The following TENT5D variants were observed in gnomAD, a reference collection of about 807,000 sequenced individuals.
TENT5D encodes the protein terminal nucleotidyltransferase 5D, also known as cancer/testis antigen 112.
For missense variants in TENT5D, 191 were observed against 287.0 expected (o/e 0.67, Z 2.42); for synonymous variants, 103 against 100.6 (o/e 1.02, Z -0.15).
At chrX:80,403,198 A>G (rs1454307010) in intron 3 of TENT5D, among the ~76,000 whole-genome samples, 2 of 111,927 alleles carry the variant, frequency 1.8e-5, no homozygotes, top group African/African-American at 6.5e-5. Flanking sequence ...TGTATCAATG[A>G]TATTAAAATG....
At chrX:80,411,216 C>G (rs184672007) in intron 3 of TENT5D, among the ~76,000 whole-genome samples, 1 of 108,513 alleles carries the variant, frequency 9.2e-6, no homozygotes, top group African/African-American at 3.4e-5. Flanking sequence ...GCACAATGTG[C>G]ACATGTACCC....
intron 3 of TENT5D, among the ~76,000 whole-genome samples, chrX:80,397,821 C>T (rs1202566070): frequency 1.8e-5 from 2 of 111,988 alleles, no homozygotes; most frequent in African/African-American, 6.5e-5. Flanking sequence ...CGCAGGCACT[C>T]GGCAGGCTGA....
chrX:80,365,959 A>G (rs1930502982), intron 3 of TENT5D, among the ~76,000 whole-genome samples: 1 of 111,789 alleles, frequency 8.9e-6, no homozygotes, highest in South Asian at 3.7e-4. Flanking sequence ...TAAAAGGAGC[A>G]GTAATAGAAT....
At chrX:80,441,924 G>A (rs1192000669) in intron 2 of TENT5D, among the ~76,000 whole-genome samples, 1 of 110,680 alleles carries the variant, frequency 9.0e-6, no homozygotes, top group Non-Finnish European at 1.9e-5. Flanking sequence ...GATAAATTAG[G>A]TACTTTCCTT....
chrX:80,382,708 C>CA (rs138629241), intron 3 of TENT5D, among the ~76,000 whole-genome samples: 1 of 109,101 alleles, frequency 9.2e-6, no homozygotes, highest in East Asian at 2.9e-4. Context: ...GCGGACGCCC[C>CA]CCCCCCACTG....
At chrX:80,361,419 C>T (rs1386037667) in intron 3 of TENT5D, among the ~76,000 whole-genome samples, 2 of 112,326 alleles carry the variant, frequency 1.8e-5, no homozygotes, top group African/African-American at 6.5e-5. Context: ...CTTTGTAAAA[C>T]ATAATTACTG....
intron 3 of TENT5D, among the ~76,000 whole-genome samples, chrX:80,372,319 A>C (rs1244113913): frequency 9.0e-6 from 1 of 111,691 alleles, no homozygotes; most frequent in Non-Finnish European, 1.9e-5. Flanking sequence ...TATTTTCAAT[A>C]CTATAGGTAT....
At chrX:80,347,824 T>C (rs1930096964) in intron 3 of TENT5D, among the ~76,000 whole-genome samples, 2 of 112,427 alleles carry the variant, frequency 1.8e-5, no homozygotes, top group African/African-American at 6.5e-5. Flanking sequence ...TTTAAGTCTT[T>C]AACACATCTT....
intron 1 of TENT5D, among the ~76,000 whole-genome samples, chrX:80,430,629 G>C (rs1932070573): frequency 8.9e-6 from 1 of 111,861 alleles, no homozygotes; most frequent in African/African-American, 3.3e-5. Context: ...TTGTTGGATA[G>C]TATTGAAATT....
Position 80,406,234 on chromosome X carries a change from A to G in TENT5D, c.-141-32376A>G, listed in dbSNP as rs749321110. On this transcript the variant is annotated intron_variant, in intron 3 of 4. Coordinates refer to the TENT5D transcript ENST00000538312. ...GAACGCAGTTCCTCACCAGCAACAG[A>G]ACAAAGCTGGATGGAGAATGACTTC... 3.6e-5 allele frequency among the ~76,000 whole-genome samples: 4 copies of G among 112,511 alleles called. No homozygotes were observed. In the South Asian group the frequency reaches 1.5e-3, roughly 41 times the overall value.
intron 2 of TENT5D, among the ~76,000 whole-genome samples, chrX:80,339,839 AAT>A (rs1370369166): frequency 9.3e-6 from 1 of 107,732 alleles, no homozygotes; most frequent in Non-Finnish European, 1.9e-5. Flanking sequence ...TGGTGATTAT[AAT>A]AGATAGTTAT....
chrX:80,433,028 A>G (rs1450049263), intron 1 of TENT5D, among the ~76,000 whole-genome samples: 1 of 111,447 alleles, frequency 9.0e-6, no homozygotes, highest in African/African-American at 3.3e-5. Context: ...CCCTGGGACC[A>G]TCAGGAGCTG....
chrX:80,379,035 C>G (rs1337648874), intron 3 of TENT5D, among the ~76,000 whole-genome samples: 1 of 106,125 alleles, frequency 9.4e-6, no homozygotes, highest in Non-Finnish European at 1.9e-5. Context: ...TTTTGAGATA[C>G]GTTCCATCAA....
At chrX:80,383,684 G>A (rs775164696) in intron 3 of TENT5D, among the ~76,000 whole-genome samples, 1 of 110,782 alleles carries the variant, frequency 9.0e-6, no homozygotes, top group East Asian at 2.9e-4. Context: ...GTGACACCCG[G>A]TCTCTACCAA....
chrX:80,421,213 G>T (rs996593820), intron 1 of TENT5D, among the ~76,000 whole-genome samples: 3 of 110,788 alleles, frequency 2.7e-5, no homozygotes, highest in Non-Finnish European at 3.8e-5. Context: ...TTTAGATGGG[G>T]TCTCACTCTG....
chrX:80,413,753 G>T (rs187505472), intron 3 of TENT5D, among the ~76,000 whole-genome samples: 2 of 111,654 alleles, frequency 1.8e-5, no homozygotes, highest in African/African-American at 6.5e-5. Flanking sequence ...CCAGTTTCGG[G>T]TATGTATCAG....
At chrX:80,432,885 A>G (rs1429050804) in intron 1 of TENT5D, among the ~76,000 whole-genome samples, 1 of 111,076 alleles carries the variant, frequency 9.0e-6, no homozygotes, top group Non-Finnish European at 1.9e-5. Flanking sequence ...CTTAGTCTGT[A>G]GGCTTTCTTA....
At chrX:80,424,973 C>T (rs755446055) in intron 1 of TENT5D, among the ~76,000 whole-genome samples, 4 of 112,372 alleles carry the variant, frequency 3.6e-5, no homozygotes, top group African/African-American at 1.3e-4. Context: ...CTTTTTTACT[C>T]ACCACAGATT....
At chrX:80,407,553 A>C (rs1294813790) in intron 3 of TENT5D, among the ~76,000 whole-genome samples, 107 of 107,386 alleles carry the variant, frequency 1.0e-3, no homozygotes, top group African/African-American at 3.6e-3. Flanking sequence ...AGAGCTAACT[A>C]TCCTAAATAT....
Sources: allele counts gnomAD v4.1 joint callset (sites outside exome capture counted in the v4.1 genomes callset), GRCh38; gene constraint gnomAD v4.1.1; transcripts MANE v1.5; gene names NCBI Gene and HGNC (gene_info 2026-07-23, HGNC 2026-07-21).